The following MCUB variants were observed in gnomAD, a reference collection of about 807,000 sequenced individuals.
MCUB encodes the protein mitochondrial calcium uniporter dominant negative subunit beta.
MCUB carries 46 observed loss-of-function variants against 41.4 expected under a neutral mutation model. That is an observed-to-expected ratio of 1.11 (90% CI 0.88 to 1.42). The LOEUF is 1.42. MCUB is among the 40% of genes most tolerant of loss of function. MCUB has a pLI of 0.00. For missense variants in MCUB, 403 were observed against 404.9 expected (o/e 1.00, Z 0.04); for synonymous variants, 148 against 148.2 (o/e 1.00, Z 0.01).
chr4:109,567,208 G>T (rs1350790470), intron 1 of MCUB, among the ~76,000 whole-genome samples: 1 of 149,154 alleles, frequency 6.7e-6, no homozygotes, highest in Non-Finnish European at 1.5e-5. Context: ...TTTTTATAAT[G>T]AATGCACTGC....
intron 1 of MCUB, among the ~76,000 whole-genome samples, chr4:109,636,700 TGG>T (rs1391864273): frequency 1.3e-5 from 2 of 152,132 alleles, no homozygotes; most frequent in African/African-American, 4.8e-5. Context: ...CCTGATATGG[TGG>T]TGCCCACCTG....
intron 1 of MCUB, among the ~76,000 whole-genome samples, chr4:109,623,340 A>G (rs941516495): frequency 1.3e-5 from 2 of 152,186 alleles, no homozygotes; most frequent in African/African-American, 2.4e-5. Context: ...TTTTGATTAC[A>G]CTAAAAGAGT....
At chr4:109,634,804 C>T (rs567772927) in intron 1 of MCUB, among the ~76,000 whole-genome samples, 10 of 152,092 alleles carry the variant, frequency 6.6e-5, no homozygotes, top group Middle Eastern at 3.2e-3. Context: ...ATTTTTAAAG[C>T]AGCTCTTTTT....
At chr4:109,677,802 A>ATTTTTT (rs71595506) in intron 4 of MCUB, among the ~76,000 whole-genome samples, 8 of 86,584 alleles carry the variant, frequency 9.2e-5, no homozygotes, top group African/African-American at 3.3e-4. Context: ...AAGGAAACAA[A>ATTTTTT]TTTTTTTTTT....
intron 4 of MCUB, among the ~76,000 whole-genome samples, chr4:109,673,270 A>G (rs1280272479): frequency 1.3e-5 from 2 of 152,238 alleles, no homozygotes; most frequent in African/African-American, 4.8e-5. Flanking sequence ...ATAGATGTTT[A>G]CAGGCCATCC....
chr4:109,682,089 G>A (rs1729730698), intron 4 of MCUB, among the ~76,000 whole-genome samples: 1 of 152,018 alleles, frequency 6.6e-6, no homozygotes, highest in Non-Finnish European at 1.5e-5. Context: ...TTGGGTGTGA[G>A]CCAAGTTGCA....
At chr4:109,656,481 A>G (rs936539147) in intron 1 of MCUB, among the ~76,000 whole-genome samples, 1 of 148,546 alleles carries the variant, frequency 6.7e-6, no homozygotes, top group Non-Finnish European at 1.5e-5. Context: ...GGCTCAAGCA[A>G]TCCTCCTGCC....
intron 1 of MCUB, among the ~76,000 whole-genome samples, chr4:109,604,852 C>A (rs1219200139): frequency 1.3e-5 from 2 of 152,082 alleles, no homozygotes; most frequent in African/African-American, 2.4e-5. Flanking sequence ...AACCATGGTT[C>A]CCTCCTTGGG....
At chr4:109,678,139 G>A (rs1249167323) in intron 4 of MCUB, among the ~76,000 whole-genome samples, 1 of 151,956 alleles carries the variant, frequency 6.6e-6, no homozygotes, top group Non-Finnish European at 1.5e-5. Flanking sequence ...TGGGGGTAAG[G>A]TTATAGATTA....
At chr4:109,604,049 C>A (rs952759535) in intron 1 of MCUB, among the ~76,000 whole-genome samples, 4 of 152,124 alleles carry the variant, frequency 2.6e-5, no homozygotes, top group Admixed American at 2.6e-4. Flanking sequence ...AAGAAAAATT[C>A]TTCTGCCTTG....
chr4:109,643,064 A>G (rs1347259296), intron 1 of MCUB, among the ~76,000 whole-genome samples: 3 of 151,792 alleles, frequency 2.0e-5, no homozygotes, highest in African/African-American at 7.3e-5. Flanking sequence ...AAGTGCTGGG[A>G]TTACAGACGT....
chr4:109,653,726 A>G (rs568534565), intron 1 of MCUB, among the ~76,000 whole-genome samples: 1 of 152,138 alleles, frequency 6.6e-6, no homozygotes, highest in Admixed American at 6.5e-5. Context: ...ACAGGCCTGC[A>G]CCCTATATCC....
chr4:109,598,165 G>C (rs1251157969), intron 1 of MCUB, among the ~76,000 whole-genome samples: 1 of 148,736 alleles, frequency 6.7e-6, no homozygotes, highest in Non-Finnish European at 1.5e-5. Context: ...CAGCCAGGCA[G>C]AGACGCTCCT....
intron 1 of MCUB, among the ~76,000 whole-genome samples, chr4:109,585,519 A>T (rs1384289134): frequency 6.6e-6 from 1 of 152,072 alleles, no homozygotes; most frequent in African/African-American, 2.4e-5. Context: ...TTTACCCGTT[A>T]GTTGATGCAG....
intron 1 of MCUB, among the ~76,000 whole-genome samples, chr4:109,604,296 C>G (rs1413495735): frequency 9.7e-6 from 1 of 103,316 alleles, no homozygotes; most frequent in African/African-American, 3.2e-5. Context: ...CCTTTGTTCA[C>G]GTGTCTGCTG....
intron 4 of MCUB, among the ~76,000 whole-genome samples, chr4:109,668,187 G>A (rs976117699): frequency 4.6e-5 from 7 of 152,014 alleles, no homozygotes; most frequent in East Asian, 3.9e-4. Context: ...TGTATACCCC[G>A]TGATTTTCTG....
intron 1 of MCUB, among the ~76,000 whole-genome samples, chr4:109,626,337 G>C (rs1193294041): frequency 6.6e-6 from 1 of 152,106 alleles, no homozygotes; most frequent in Non-Finnish European, 1.5e-5. Flanking sequence ...TTAAAGAAGA[G>C]TGTAAAAGCC....
At chr4:109,648,724 CAAAA>C (rs59279944) in intron 1 of MCUB, 13,226 of 234,792 alleles carry the variant, frequency 0.056, 2 homozygotes, top group South Asian at 0.097. Context: ...TACAGAGAAG[CAAAA>C]AAAAAAAAAA....
At chr4:109,673,333 C>T (rs1729500575) in intron 4 of MCUB, among the ~76,000 whole-genome samples, 1 of 152,180 alleles carries the variant, frequency 6.6e-6, no homozygotes, top group Non-Finnish European at 1.5e-5. Context: ...GACCATAAGC[C>T]TTAGGTCTAA....
Sources: gnomAD v4.1 joint callset for allele counts (sites outside exome capture counted in the v4.1 genomes callset) on GRCh38, gnomAD v4.1.1 for gene constraint, MANE v1.5 for transcripts, NCBI Gene and HGNC (gene_info 2026-07-23, HGNC 2026-07-21) for gene names.